EMILIN3: variants seen among roughly 807,000 people sequenced by gnomAD.
EMILIN3 encodes the protein elastin microfibril interfacer 3.
In EMILIN3, 38 loss-of-function variants were observed where a neutral mutation model predicts 42.8. The ratio of observed to expected loss-of-function variants is 0.89; its 90% CI spans 0.69 to 1.16. EMILIN3 has a LOEUF of 1.16. Among genes scored for constraint, EMILIN3 ranks in the 50% most tolerant of loss-of-function variants. EMILIN3 has a pLI of 0.00. For synonymous variants in EMILIN3, 430 were observed against 440.5 expected (o/e 0.98, Z 0.30); for missense variants, 924 against 999.5 (o/e 0.92, Z 1.02).
In EMILIN3 at chr20:41,366,470, G is replaced by A; in HGVS notation, c.165C>T (p.His55=). The A allele has an allele frequency of 8.8e-7, 1 of 1,133,988 alleles. No individual in the cohort carries two copies. Among genetic ancestry groups the A allele is most frequent in the Non-Finnish European group, 1.1e-6 (1 of 925,978 alleles). The allele number at this position is 1,133,988 out of a possible 1,614,324, so 70.2% of individuals were successfully genotyped here. The part of the protein sequence containing the change: ...GWRPRLRPGP[H]KALCAYVVHR... ...GCCCGCCGCCCGCCCGCGCTTACTT[G>A]TGCGGCCCCGGGCGCAGCCGCGGGC... Residue 55 remains histidine, a splice_region_variant and synonymous_variant, in exon 1 of 4, where the codon CAC becomes CAT. Transcript: ENST00000332312. The surrounding 1 kb of genome is among the most constrained non-coding windows in gnomAD (Gnocchi z 4.2).
chr20:41,366,557 CG>C lies in EMILIN3; in HGVS notation c.77del (p.Pro26ArgfsTer42), dbSNP rs1403444377. The C allele has an allele frequency of 3.5e-6, 4 of 1,140,680 alleles. No individual in the cohort carries two copies. The highest frequency in any genetic ancestry group is 4.3e-6 in the Non-Finnish European group (4 of 931,764). The allele number at this position is 1,140,680 out of a possible 1,614,324, so 70.7% of individuals were successfully genotyped here. ...LLSGAQARGT[P>X]LLARPAPPGA... ...CGGGCGGCGCAGGCCGCGCCAGGAGCGGGGTGCCCCTGGCCTGCGCCCCCGA... is the reference window on the plus strand; with the variant it reads ...CGGGCGGCGCAGGCCGCGCCAGGAGCGGGTGCCCCTGGCCTGCGCCCCCGA... On this transcript the variant is annotated frameshift_variant, in exon 1 of 4. Coordinates refer to ENST00000332312, the MANE Select transcript of EMILIN3 (RefSeq NM_052846.2). LOFTEE classifies it high-confidence loss of function. The surrounding 1 kb of genome is among the most constrained non-coding windows in gnomAD (Gnocchi z 4.2).
rs777404496 is a variant in EMILIN3 at position 41,361,819 on chromosome 20, T to G, written c.1750A>C (p.Ile584Leu). The change falls in exon 4 of 4, where the codon ATC becomes CTC. Residue 584 changes from isoleucine (I) to leucine (L), a missense_variant. By Grantham distance (5) the Ile-to-Leu change is conservative. Transcript: ENST00000332312. The part of the protein sequence containing the change: ...EGTGSSLQGE[I>L]TLLKVNLNSV... ...TTCAGATTGACCTTGAGCAGAGTGATCTCGCCTTGAAGTGAGCTGCCCGTC... is the reference window on the plus strand; with the variant it reads ...TTCAGATTGACCTTGAGCAGAGTGAGCTCGCCTTGAAGTGAGCTGCCCGTC... 7 of 1,613,574 alleles carry G rather than the reference T, an allele frequency of 4.3e-6. No homozygotes were observed. The South Asian group carries it at 6.6e-5, about 15-fold the overall frequency.
chr20:41,362,191 C>A lies in EMILIN3; in HGVS notation c.1378G>T (p.Gly460Trp), dbSNP rs747858343. The A allele has an allele frequency of 6.2e-7, 1 of 1,613,872 alleles. No individual in the cohort carries two copies. The highest frequency in any genetic ancestry group is 8.5e-7 in the Non-Finnish European group (1 of 1,179,936). ...RGCCLRLDMGGWGVGGFGTML... is the reference protein window; with the variant it reads ...RGCCLRLDMGWWGVGGFGTML... The stretch of plus-strand genomic sequence containing the variant: ...GTCCCAAAGCCGCCCACTCCCCACC[C>A]CCCCATGTCCAACCTCAGACAGCAT... The change falls in exon 4 of 4, where the codon GGG (glycine) becomes TGG (tryptophan). Residue 460 changes from glycine to tryptophan, a missense_variant. Coordinates refer to ENST00000332312, the MANE Select transcript of EMILIN3 (RefSeq NM_052846.2).
rs1569020578 is a variant in EMILIN3, at chr20:41,365,054, T to C, written c.271A>G (p.Lys91Glu). The C allele has an allele frequency of 1.2e-6, 2 of 1,613,548 alleles. No homozygotes were observed. The highest frequency in any genetic ancestry group is 1.7e-6 in the Non-Finnish European group (2 of 1,179,802). ...ACTTACGTGACTGTCCCGGGGCACT[T>C]GGGCCCCCATCTACACTGCCGGTAT... Reference protein sequence around the residue: ...AEYRQCRWGPKCPGTVTYRTV... With the variant: ...AEYRQCRWGPECPGTVTYRTV... Residue 91 changes from lysine (K) to glutamate (E), a missense_variant, in exon 2 of 4, where the codon AAG (lysine) becomes GAG (glutamate). Coordinates refer to ENST00000332312, the MANE Select transcript of EMILIN3 (RefSeq NM_052846.2).
Position 41,361,447 on chromosome 20 carries a change from C to G in EMILIN3, c.2122G>C (p.Ala708Pro). 6.2e-7 allele frequency: 1 copy of G among 1,606,304 alleles called. No homozygotes were observed. Among genetic ancestry groups the G allele is most frequent in the Non-Finnish European group, 8.5e-7 (1 of 1,175,596 alleles). Residue 708 changes from alanine to proline, a missense_variant, in exon 4 of 4, where the codon GCG becomes CCG. Transcript: ENST00000332312. ...GACRRLGLLA[A>P]GLDSLPTEPL... Reference sequence around the variant, plus strand: ...TCAGTGGGCAAGCTGTCCAGGCCCGCGGCCAGCAGGCCCAGCCTCCTGCAC... The same window carrying G: ...TCAGTGGGCAAGCTGTCCAGGCCCGGGGCCAGCAGGCCCAGCCTCCTGCAC...
At chr20:41,365,941 C>G (rs561569935) in intron 1 of EMILIN3, among the ~76,000 whole-genome samples, 1 of 151,468 alleles carries the variant, frequency 6.6e-6, no homozygotes, top group Non-Finnish European at 1.5e-5. Context: ...AGCACAGGCC[C>G]GGAGCCAGGA....
In EMILIN3 at chr20:41,360,915, C is replaced by A. The variant is rs963823315; in HGVS notation, c.*353G>T. On this transcript the variant is annotated 3_prime_UTR_variant, in exon 4 of 4. Transcript: ENST00000332312. ...CCTCTCAAGGCCTTACATACGGACA[C>A]TGATCAAGGCCAGTTTGCCACAGCA... The A allele has an allele frequency of 1.2e-5, 4 of 342,708 alleles. No individual in the cohort carries two copies. The highest frequency in any genetic ancestry group is 1.6e-5 in the Non-Finnish European group (3 of 184,924). The allele number at this position is 342,708 out of a possible 1,614,324, so 21.2% of individuals were successfully genotyped here. A position where few individuals can be genotyped will look rare whatever the true frequency, so the allele number is the denominator to read the frequency against.
intron 1 of EMILIN3, among the ~76,000 whole-genome samples, chr20:41,365,475 C>T (rs930220142): frequency 1.3e-5 from 2 of 152,188 alleles, no homozygotes; most frequent in African/African-American, 4.8e-5. Flanking sequence ...ACCCCCCCAT[C>T]CTTCGCTGAT....
chr20:41,361,266 G>A lies in EMILIN3; in HGVS notation c.*2C>T, dbSNP rs1442935986. 6.3e-7 allele frequency: 1 copy of A among 1,579,070 alleles called. No homozygotes were observed. On this transcript the variant is annotated 3_prime_UTR_variant, in exon 4 of 4. Transcript: ENST00000332312. Reference sequence around the variant, plus strand: ...CTAGGGGTTGGGTCCTGGCCAGCCTGTCTAGTTGGCTTGCCCTGGCCGCAC... The same window carrying A: ...CTAGGGGTTGGGTCCTGGCCAGCCTATCTAGTTGGCTTGCCCTGGCCGCAC...
In EMILIN3 at chr20:41,360,230, T is replaced by C. The variant is rs1461222176; in HGVS notation, c.*1038A>G. On this transcript the variant is annotated 3_prime_UTR_variant, in exon 4 of 4. Coordinates refer to ENST00000332312, the MANE Select transcript of EMILIN3 (RefSeq NM_052846.2). ...TTTCGTACCTGAATTTCTCACCTTTTGTGAACATCTTGGGAGGGTGGGGGT... is the reference window on the plus strand; with the variant it reads ...TTTCGTACCTGAATTTCTCACCTTTCGTGAACATCTTGGGAGGGTGGGGGT... 1 of 152,550 alleles carries C rather than the reference T, an allele frequency of 6.6e-6. No homozygotes were observed. Among genetic ancestry groups the C allele is most frequent in the Non-Finnish European group, 1.5e-5 (1 of 68,078 alleles). 9.4% of individuals were successfully genotyped at this position (152,550 alleles called of 1,614,324 possible). A position where few individuals can be genotyped will look rare whatever the true frequency, so the allele number is the denominator to read the frequency against.
Position 41,363,065 on chromosome 20 carries a change from G to T in EMILIN3, c.515-11C>A. 1 of 1,544,754 alleles carries T rather than the reference G, an allele frequency of 6.5e-7. No homozygotes were observed. The highest frequency in any genetic ancestry group is 2.3e-5 in the East Asian group (1 of 43,094). ...CTGGGCCTTTCCTTCCTGGGAAAGA[G>T]AAGAGAGCCCCAGGGGCATCACTGG... is the stretch of plus-strand genomic sequence containing the variant. On this transcript the variant is annotated splice_polypyrimidine_tract_variant and intron_variant, in intron 3 of 3. Coordinates refer to ENST00000332312, the MANE Select transcript of EMILIN3 (RefSeq NM_052846.2).
chr20:41,366,476 C>T lies in EMILIN3; in HGVS notation c.159G>A (p.Gly53=). 5 of 1,141,026 alleles carry T rather than the reference C, an allele frequency of 4.4e-6. No homozygotes were observed. The highest frequency in any genetic ancestry group is 5.4e-6 in the Non-Finnish European group (5 of 930,646). 70.7% of individuals were successfully genotyped at this position (1,141,026 alleles called of 1,614,324 possible). ...CGCCCGCCCGCGCTTACTTGTGCGG[C>T]CCCGGGCGCAGCCGCGGGCGCCATC... ...TTGWRPRLRP[G]PHKALCAYVV... The change falls in exon 1 of 4, where the codon GGG becomes GGA. Residue 53 remains glycine (G), a synonymous_variant. Transcript: ENST00000332312. The surrounding 1 kb of genome is among the most constrained non-coding windows in gnomAD (Gnocchi z 4.2).
rs1229604207 is a variant in EMILIN3, at chr20:41,361,919, C to A, written c.1650G>T (p.Gln550His). ...WQSRSEALLRQVASHAALLQQ... is the reference protein window; with the variant it reads ...WQSRSEALLRHVASHAALLQQ... ...GGAGCAGTGCTGCGTGGCTGGCCAC[C>A]TGGCGTAGGAGGGCCTCGCTCCGGC... The change falls in exon 4 of 4, where the codon CAG (glutamine) becomes CAT (histidine). Residue 550 changes from glutamine (Q) to histidine (H), a missense_variant. Coordinates refer to ENST00000332312, the MANE Select transcript of EMILIN3 (RefSeq NM_052846.2). The A allele has an allele frequency of 1.2e-6, 2 of 1,613,160 alleles. No homozygotes were observed. The highest frequency in any genetic ancestry group is 4.5e-5 in the East Asian group (2 of 44,890).
In EMILIN3 at chr20:41,360,375, T is replaced by C. The variant is rs1402562018; in HGVS notation, c.*893A>G. ...AAATGCCCTGACCTCGCAGGAAGGA[T>C]TTCCCCACCCCCAAGTGGAAGGAAG... On this transcript the variant is annotated 3_prime_UTR_variant, in exon 4 of 4. Transcript: ENST00000332312. 6.6e-6 allele frequency: 1 copy of C among 152,028 alleles called. No homozygotes were observed. The highest frequency in any genetic ancestry group is 1.9e-4 in the East Asian group (1 of 5,166). 9.4% of individuals were successfully genotyped at this position (152,028 alleles called of 1,614,324 possible). A position where few individuals can be genotyped will look rare whatever the true frequency, so the allele number is the denominator to read the frequency against.
intron 2 of EMILIN3, among the ~76,000 whole-genome samples, chr20:41,364,657 C>G (rs1310671056): frequency 6.6e-6 from 1 of 152,180 alleles, no homozygotes; most frequent in South Asian, 2.1e-4. Context: ...CCTGCCAGGC[C>G]CCCCTGTGGC....
chr20:41,362,311 G>T lies in EMILIN3; in HGVS notation c.1258C>A (p.Leu420Ile), dbSNP rs145221134. The T allele has an allele frequency of 1.5e-5, 24 of 1,612,866 alleles. No individual in the cohort carries two copies. The highest frequency in any genetic ancestry group is 1.7e-5 in the Non-Finnish European group (20 of 1,179,928). The change falls in exon 4 of 4, where the codon CTT becomes ATT. Residue 420 changes from leucine to isoleucine, a missense_variant. By Grantham distance (5) the Leu-to-Ile change is conservative (BLOSUM62 2). Coordinates refer to ENST00000332312, the MANE Select transcript of EMILIN3 (RefSeq NM_052846.2). Reference protein sequence around the residue: ...RGPGAPAGDELTRLSAAMLEG... With the variant: ...RGPGAPAGDEITRLSAAMLEG... ...AGCATGGCAGCAGAGAGCCTCGTAA[G>T]CTCATCCCCGGCCGGGGCACCGGGG...
Position 41,366,363 on chromosome 20 carries a change from G to C in EMILIN3, c.167+105C>G, listed in dbSNP as rs561300116. On this transcript the variant is annotated intron_variant, in intron 1 of 3. Transcript: ENST00000332312. The surrounding 1 kb of genome is among the most constrained non-coding windows in gnomAD (Gnocchi z 4.2). ...CCGCCCCCTCTGTGCAGCGGCCTCG[G>C]GGTGCCCGGGGCCTCGACGCCCCCC... 1 of 882,666 alleles carries C rather than the reference G, an allele frequency of 1.1e-6. No individual in the cohort carries two copies. The highest frequency in any genetic ancestry group is 5.4e-5 in the South Asian group (1 of 18,670). The allele number at this position is 882,666 out of a possible 1,614,324, so 54.7% of individuals were successfully genotyped here.
chr20:41,365,348 C>T (rs2046388500), intron 1 of EMILIN3, among the ~76,000 whole-genome samples, 191 bp from the exon 2 acceptor site: 1 of 152,188 alleles, frequency 6.6e-6, no homozygotes. Flanking sequence ...CTGATTCCAG[C>T]CTCCGTGATG....
In EMILIN3 at chr20:41,362,947, C is replaced by G. The variant is rs201800939; in HGVS notation, c.622G>C (p.Glu208Gln). The part of the protein sequence containing the change: ...GTLSGLVASH[E>Q]DPNRMTGGPR... Reference sequence around the variant, plus strand: ...CCACCAGTCATCCTGTTGGGATCCTCGTGGCTAGCCACCAGGCCACTGAGG... The same window carrying G: ...CCACCAGTCATCCTGTTGGGATCCTGGTGGCTAGCCACCAGGCCACTGAGG... Residue 208 changes from glutamate (E) to glutamine (Q), a missense_variant, in exon 4 of 4, where the codon GAG becomes CAG. Transcript: ENST00000332312. 1 of 1,613,524 alleles carries G rather than the reference C, an allele frequency of 6.2e-7. No homozygotes were observed. The highest frequency in any genetic ancestry group is 1.1e-5 in the South Asian group (1 of 91,074).
Sources: allele counts gnomAD v4.1 joint callset (sites outside exome capture counted in the v4.1 genomes callset), GRCh38; gene constraint gnomAD v4.1.1; non-coding constraint Gnocchi (gnomAD v3.1); transcripts MANE v1.5; gene names NCBI Gene and HGNC (gene_info 2026-07-23, HGNC 2026-07-21).